The following RFX2 variants were observed in gnomAD, a reference collection of about 807,000 sequenced individuals.
The protein encoded by RFX2 is regulatory factor X2.
Under a neutral mutation model 87.8 loss-of-function variants are expected in RFX2, and 20 were observed. That is an observed-to-expected ratio of 0.23 (90% CI 0.16 to 0.33). RFX2 has a LOEUF of 0.33. RFX2 is among the 10% of genes least tolerant of loss of function. The probability of loss-of-function intolerance (pLI) is 1.00; values close to 1 mark genes in which losing one functional copy is unlikely to be tolerated. For synonymous variants in RFX2, 397 were observed against 431.3 expected, an observed-to-expected ratio of 0.92 and a Z score of 0.98; for missense variants, 767 against 1,012.3, an observed-to-expected ratio of 0.76 and a Z score of 3.29.
chr19:6,018,852 C>T (rs1599857071), intron 6 of RFX2, among the ~76,000 whole-genome samples: 1 of 152,190 alleles, frequency 6.6e-6, no homozygotes, highest in Non-Finnish European at 1.5e-5. Context: ...AGGTAAGTCC[C>T]GTGGCCAAAC....
At chr19:6,042,258 G>T in intron 3 of RFX2, 135 bp from the exon 4 acceptor site, 1 of 755,454 alleles carries the variant, frequency 1.3e-6, no homozygotes. Context: ...CCCACAGTCG[G>T]CACGCCTAGA....
Position 6,026,326 on chromosome 19 carries a change from T to C in RFX2, c.523-89A>G. On this transcript the variant is annotated intron_variant, in intron 5 of 17. Transcript: ENST00000303657. This position sits in a 1 kb window ranked among gnomAD's most constrained non-coding sequence, Gnocchi z 4.5. ...TGGTTAGCATCAGCCAAGATTTGTT[T>C]TTATTAATATCCAAATAATGATTCG... is the stretch of plus-strand genomic sequence containing the variant. 9.2e-7 allele frequency: 1 copy of C among 1,082,026 alleles called. No homozygotes were observed. Among genetic ancestry groups the C allele is most frequent in the African/African-American group, 1.6e-5 (1 of 62,680 alleles). The allele number at this position is 1,082,026 out of a possible 1,614,324, so 67.0% of individuals were successfully genotyped here. A position where few individuals can be genotyped will look rare whatever the true frequency, so the allele number is the denominator to read the frequency against.
In RFX2 at chr19:6,096,430, T is replaced by TTTTTG. The variant is rs139772504; in HGVS notation, c.-9+13958_-9+13962dup. 1.1e-3 allele frequency among the ~76,000 whole-genome samples: 167 copies of TTTTTG among 151,184 alleles called. 1 individual carries two copies. The highest frequency in any genetic ancestry group is 3.1e-3 in the East Asian group (16 of 5,136). The stretch of plus-strand genomic sequence containing the variant: ...ATACTGCGCACACTCTCGTTTTTGT[T>TTTTTG]TTTTGTTTTGTTTTGTTTTGTTTTG... On this transcript the variant is annotated intron_variant, in intron 1 of 17. Coordinates refer to ENST00000303657, the MANE Select transcript of RFX2 (RefSeq NM_000635.4).
intron 1 of RFX2, among the ~76,000 whole-genome samples, chr19:6,087,997 C>T (rs527983572): frequency 2.0e-4 from 31 of 152,246 alleles, no homozygotes; most frequent in African/African-American, 6.7e-4. Flanking sequence ...CACCCACTTC[C>T]AGAACTGGCT....
chr19:6,019,512 ATGTGTGTGTG>A (rs147877773), intron 6 of RFX2, among the ~76,000 whole-genome samples: 40 of 127,004 alleles, frequency 3.1e-4, no homozygotes, highest in African/African-American at 9.2e-4. Flanking sequence ...GTGTGTGAGT[ATGTGTGTGTG>A]TGTGTGTGTG....
chr19:6,026,318 G>T lies in RFX2; in HGVS notation c.523-81C>A. Reference sequence around the variant, plus strand: ...AAATCAGATGGTTAGCATCAGCCAAGATTTGTTTTTATTAATATCCAAATA... The same window carrying T: ...AAATCAGATGGTTAGCATCAGCCAATATTTGTTTTTATTAATATCCAAATA... On this transcript the variant is annotated intron_variant, in intron 5 of 17. Transcript: ENST00000303657. The surrounding 1 kb of genome is among the most constrained non-coding windows in gnomAD (Gnocchi z 4.5). The T allele has an allele frequency of 8.1e-7, 1 of 1,233,904 alleles. No homozygotes were observed. The highest frequency in any genetic ancestry group is 1.2e-6 in the Non-Finnish European group (1 of 857,310). The allele number at this position is 1,233,904 out of a possible 1,614,324, so 76.4% of individuals were successfully genotyped here.
chr19:6,016,056 G>C lies in RFX2; in HGVS notation c.779+34C>G. 1.3e-6 allele frequency: 2 copies of C among 1,548,348 alleles called. No individual in the cohort carries two copies. On this transcript the variant is annotated intron_variant, in intron 7 of 17. Coordinates refer to ENST00000303657, the MANE Select transcript of RFX2 (RefSeq NM_000635.4). This position sits in a 1 kb window ranked among gnomAD's most constrained non-coding sequence, Gnocchi z 5.4. ...AGCTCCATTTCTTGGGAAAGGAAGA[G>C]GAAGAACAGGTGGGCTGGGGATCGT...
At chr19:6,019,512 A>ATGTGTGTGTG (rs147877773) in intron 6 of RFX2, among the ~76,000 whole-genome samples, 2,897 of 126,974 alleles carry the variant, frequency 0.023, 128 homozygotes, top group African/African-American at 0.086. Flanking sequence ...GTGTGTGAGT[A>ATGTGTGTGTG]TGTGTGTGTG....
At position 6,004,284 on chromosome 19, in the gene RFX2, C is replaced by T; in HGVS notation, c.1417G>A (p.Ala473Thr). The change falls in exon 13 of 18, where the codon GCC becomes ACC. Residue 473 changes from alanine to threonine, a missense_variant. Coordinates refer to ENST00000303657, the MANE Select transcript of RFX2 (RefSeq NM_000635.4). This position sits in a 1 kb window ranked among gnomAD's most constrained non-coding sequence, Gnocchi z 4.8. ...AAGCTCTTGGCAAAGTTACGGATGG[C>T]CTGTGTCAAGGTACCTGGGGGATAC... ...LRPVPSTLTQ[A>T]IRNFAKSLEG... 1 of 1,613,802 alleles carries T rather than the reference C, an allele frequency of 6.2e-7. No homozygotes were observed. Among genetic ancestry groups the T allele is most frequent in the Non-Finnish European group, 8.5e-7 (1 of 1,179,786 alleles).
At chr19:6,098,331 C>T (rs536202426) in intron 1 of RFX2, among the ~76,000 whole-genome samples, 4 of 152,152 alleles carry the variant, frequency 2.6e-5, no homozygotes, top group East Asian at 3.9e-4. Context: ...GGCTACATTG[C>T]GGGAACTTGA....
At chr19:6,031,287 A>G (rs2144744114) in intron 5 of RFX2, among the ~76,000 whole-genome samples, 1 of 152,244 alleles carries the variant, frequency 6.6e-6, no homozygotes, top group Non-Finnish European at 1.5e-5. Context: ...ACTCTGGTGG[A>G]CTTCCCATCT....
rs1444304374 is a variant in RFX2, at chr19:6,021,394, A to G, written c.597+4769T>C. On this transcript the variant is annotated intron_variant, in intron 6 of 17. Coordinates refer to ENST00000303657, the MANE Select transcript of RFX2 (RefSeq NM_000635.4). The surrounding 1 kb of genome is among the most constrained non-coding windows in gnomAD (Gnocchi z 5.7). ...CAGAGACCCACAATAAATAAGTAAA[A>G]TGAACCGAATGAGGGCTGATGCCGA... Among the ~76,000 whole-genome samples, 1 of 152,234 alleles carries G rather than the reference A, an allele frequency of 6.6e-6. No individual in the cohort carries two copies. Among genetic ancestry groups the G allele is most frequent in the African/African-American group, 2.4e-5 (1 of 41,460 alleles).
chr19:6,040,775 CA>C lies in RFX2; in HGVS notation c.261-535del, dbSNP rs148999638. On this transcript the variant is annotated intron_variant, in intron 4 of 17. Transcript: ENST00000303657. The surrounding 1 kb of genome is among the most constrained non-coding windows in gnomAD (Gnocchi z 6.1). ...CCCTATCTCTTAAAAAAAATAAATA[CA>C]AATAAAACTTAAAATTGTAAGTGGA... Among the ~76,000 whole-genome samples, 1,215 of 152,154 alleles carry C rather than the reference CA, an allele frequency of 8.0e-3. 67 individuals carry two copies. In the East Asian group the frequency reaches 0.15, roughly 18 times the overall value.
chr19:6,009,785 T>G (rs1021646258), intron 9 of RFX2, among the ~76,000 whole-genome samples: 25 of 152,110 alleles, frequency 1.6e-4, no homozygotes, highest in African/African-American at 6.0e-4. Context: ...AGGCTGGTCT[T>G]GAACTCCTGA....
In RFX2 at chr19:6,014,767, C is replaced by T. The variant is rs537077723; in HGVS notation, c.779+1323G>A. Among the ~76,000 whole-genome samples, 28 of 152,306 alleles carry T rather than the reference C, an allele frequency of 1.8e-4. No homozygotes were observed. The South Asian group carries it at 4.3e-3, about 24-fold the overall frequency. On this transcript the variant is annotated intron_variant, in intron 7 of 17. Transcript: ENST00000303657. ...TCCTCCCGCTTCTGTCCCTCCTCTA[C>T]GCATCCACATTCCCTAAGGACATTC...
chr19:6,068,758 C>T (rs2087550663), intron 1 of RFX2, among the ~76,000 whole-genome samples: 1 of 152,152 alleles, frequency 6.6e-6, no homozygotes, highest in African/African-American at 2.4e-5. Context: ...CTGGCTTTTG[C>T]TTGGGGTAAA....
chr19:6,080,485 T>C (rs929960851), intron 1 of RFX2, among the ~76,000 whole-genome samples: 7 of 152,030 alleles, frequency 4.6e-5, no homozygotes, highest in Non-Finnish European at 1.0e-4. Context: ...ATACACAAGG[T>C]TGTTCAGTAG....
intron 1 of RFX2, among the ~76,000 whole-genome samples, chr19:6,054,061 G>A (rs954237505): frequency 6.6e-6 from 1 of 151,306 alleles, no homozygotes; most frequent in Non-Finnish European, 1.5e-5. Flanking sequence ...TATCAGGAAT[G>A]AAATGAAATA....
At chr19:6,053,995 T>G (rs2087298822) in intron 1 of RFX2, among the ~76,000 whole-genome samples, 1 of 143,848 alleles carries the variant, frequency 7.0e-6, no homozygotes, top group Non-Finnish European at 1.5e-5. Context: ...TTAAAAAAAG[T>G]TAATTAACAA....
Sources: gnomAD v4.1 joint callset for allele counts (sites outside exome capture counted in the v4.1 genomes callset) on GRCh38, gnomAD v4.1.1 for gene constraint, Gnocchi (gnomAD v3.1) non-coding constraint, MANE v1.5 for transcripts, NCBI Gene and HGNC (gene_info 2026-07-23, HGNC 2026-07-21) for gene names.